Variants in SLC35F4 observed in about 807,000 individuals in gnomAD.
SLC35F4 encodes solute carrier family 35 member F4.
A neutral mutation model predicts 44.2 loss-of-function variants in SLC35F4; 24 were observed. The observed-to-expected ratio is 0.54, with a 90% CI of 0.39 to 0.76. SLC35F4 has a LOEUF of 0.76. Ranked by LOEUF, SLC35F4 falls within the 30% of genes least tolerant of loss-of-function variation. The pLI is 0.00. For synonymous variants in SLC35F4, 238 were observed against 223.6 expected, an observed-to-expected ratio of 1.06 and a Z score of -0.57; for missense variants, 562 against 586.1, an observed-to-expected ratio of 0.96 and a Z score of 0.42.
chr14:57,969,540 T>C (rs1008486939), intron 1 of SLC35F4, among the ~76,000 whole-genome samples: 1 of 152,212 alleles, frequency 6.6e-6, no homozygotes, highest in African/African-American at 2.4e-5. Flanking sequence ...CTGTCTATTC[T>C]CTATACATAT....
At chr14:57,722,632 T>C (rs1429968579) in intron 1 of SLC35F4, among the ~76,000 whole-genome samples, 1 of 152,144 alleles carries the variant, frequency 6.6e-6, no homozygotes, top group Non-Finnish European at 1.5e-5. Context: ...AAAGGCAAGG[T>C]AGGCATAGCT....
intron 1 of SLC35F4, among the ~76,000 whole-genome samples, chr14:57,892,573 C>T (rs575422141): frequency 6.6e-6 from 1 of 152,198 alleles, no homozygotes; most frequent in East Asian, 1.9e-4. Context: ...ATTATAGGAA[C>T]AATTCATTTA....
intron 1 of SLC35F4, among the ~76,000 whole-genome samples, chr14:57,663,557 A>C (rs2074207791): frequency 6.6e-6 from 1 of 152,220 alleles, no homozygotes; most frequent in South Asian, 2.1e-4. Flanking sequence ...TATAGCACAG[A>C]GACCACAGAG....
chr14:57,659,612 T>C (rs2074073606), intron 1 of SLC35F4, among the ~76,000 whole-genome samples: 1 of 152,146 alleles, frequency 6.6e-6, no homozygotes, highest in Non-Finnish European at 1.5e-5. Context: ...ACATAGATGG[T>C]AAATAACAGA....
chr14:57,564,405 TC>T, intron 7 of SLC35F4, 29 bp from the exon 8 acceptor site: 1 of 1,581,466 alleles, frequency 6.3e-7, no homozygotes, highest in Non-Finnish European at 8.6e-7. Context: ...GTCAGTCATT[TC>T]CTATGCCTGT....
downstream of SLC35F4, among the ~76,000 whole-genome samples, chr14:57,976,078 C>G (rs991847182): frequency 1.3e-5 from 2 of 152,158 alleles, no homozygotes; most frequent in African/African-American, 4.8e-5. Flanking sequence ...ACTATGGTCT[C>G]TCACCTCATT....
intron 1 of SLC35F4, among the ~76,000 whole-genome samples, chr14:57,740,433 A>G (rs1474073919): frequency 6.6e-6 from 1 of 152,212 alleles, no homozygotes; most frequent in Non-Finnish European, 1.5e-5. Context: ...CTTAAACTTT[A>G]CTCACAGAAA....
At chr14:57,718,344 CTTTT>C (rs2075996037) in intron 1 of SLC35F4, among the ~76,000 whole-genome samples, 2 of 41,358 alleles carry the variant, frequency 4.8e-5, no homozygotes, top group Admixed American at 2.5e-4. Context: ...GATTTCCTTT[CTTTT>C]GAGTATTTAC....
At chr14:57,751,337 A>T (rs1299859650) in intron 1 of SLC35F4, among the ~76,000 whole-genome samples, 1 of 152,142 alleles carries the variant, frequency 6.6e-6, no homozygotes, top group African/African-American at 2.4e-5. Flanking sequence ...AAGATGAGAA[A>T]ATTGGCATAG....
At chr14:57,734,252 T>A (rs1156543325) in intron 1 of SLC35F4, among the ~76,000 whole-genome samples, 1 of 152,196 alleles carries the variant, frequency 6.6e-6, no homozygotes, top group East Asian at 1.9e-4. Flanking sequence ...TTGGTAGTTG[T>A]GCATTCTTTC....
intron 5 of SLC35F4, among the ~76,000 whole-genome samples, chr14:57,570,778 C>T (rs900879523): frequency 6.6e-6 from 1 of 152,188 alleles, no homozygotes; most frequent in Non-Finnish European, 1.5e-5. Flanking sequence ...GGGGAAATCC[C>T]TCTGTAAGAG....
chr14:57,788,662 G>A (rs2077830238), intron 1 of SLC35F4, among the ~76,000 whole-genome samples: 2 of 152,026 alleles, frequency 1.3e-5, no homozygotes, highest in Admixed American at 6.6e-5. Context: ...TGCTGTTGTG[G>A]ATCTAACAGA....
intron 1 of SLC35F4, chr14:57,630,943 A>G: frequency 1.5e-6 from 1 of 661,776 alleles, no homozygotes; most frequent in Non-Finnish European, 1.9e-6. Flanking sequence ...TCTCATTTTT[A>G]TGCTTGAAGT....
At chr14:57,832,159 C>G (rs1450598304) in intron 1 of SLC35F4, among the ~76,000 whole-genome samples, 1 of 152,196 alleles carries the variant, frequency 6.6e-6, no homozygotes, top group Non-Finnish European at 1.5e-5. Context: ...GAGGCACATA[C>G]AGCCTTCCTG....
At chr14:57,815,358 A>G (rs549368101) in intron 1 of SLC35F4, among the ~76,000 whole-genome samples, 63 of 152,348 alleles carry the variant, frequency 4.1e-4, no homozygotes, top group Non-Finnish European at 7.1e-4. Flanking sequence ...ACATTTTGCC[A>G]TAAGTTGGTC....
chr14:57,657,760 G>A lies in SLC35F4; in HGVS notation c.104-63636C>T, dbSNP rs572882528. ...ATACTGGTGGATGACTCATTATTCT[G>A]GGGTTTCTAAACATTTGAGGTTCCT... On this transcript the variant is annotated intron_variant, in intron 1 of 7. Coordinates refer to ENST00000556826, the MANE Select transcript of SLC35F4 (RefSeq NM_001306087.2). Among the ~76,000 whole-genome samples, 4 of 152,204 alleles carry A rather than the reference G, an allele frequency of 2.6e-5. 1 individual carries two copies. The highest frequency in any genetic ancestry group is 2.1e-4 in the South Asian group (1 of 4,816).
intron 1 of SLC35F4, among the ~76,000 whole-genome samples, chr14:57,617,662 G>T (rs1443178138): frequency 2.0e-5 from 3 of 152,166 alleles, no homozygotes; most frequent in Non-Finnish European, 2.9e-5. Flanking sequence ...GCTGGCAATT[G>T]CAATAGTATG....
At chr14:57,600,918 A>C (rs1255469715) in intron 1 of SLC35F4, among the ~76,000 whole-genome samples, 9 of 151,874 alleles carry the variant, frequency 5.9e-5, no homozygotes, top group Admixed American at 5.9e-4. Context: ...TTCTTAGGTA[A>C]ACATATAGCC....
In SLC35F4 at chr14:57,925,519, GAGGGAGGGAGGGAGGGAGGGAGGGAGGA is replaced by G. The variant is rs1477525896; in HGVS notation, n.282+56366_282+56393del. ...GAAGGGAGGGAGGGAGGGAGGGAGG[GAGGGAGGGAGGGAGGGAGGGAGGGAGGA>G]AGGAAGGAAGGAAGGATGACAGGCA... is the stretch of plus-strand genomic sequence containing the variant. On this transcript the variant is annotated intron_variant and non_coding_transcript_variant, in intron 1 of 1. Transcript: ENST00000556568. 3.0e-3 allele frequency among the ~76,000 whole-genome samples: 197 copies of G among 65,302 alleles called. 3 individuals are homozygous for G. Among genetic ancestry groups the G allele is most frequent in the African/African-American group, 8.8e-3 (190 of 21,572 alleles). 42.8% of individuals were successfully genotyped at this position (65,302 alleles called of 152,430 possible). A position where few individuals can be genotyped will look rare whatever the true frequency, so the allele number is the denominator to read the frequency against.
Sources: allele counts gnomAD v4.1 joint callset (sites outside exome capture counted in the v4.1 genomes callset), GRCh38; gene constraint gnomAD v4.1.1; transcripts MANE v1.5; gene names NCBI Gene and HGNC (gene_info 2026-07-23, HGNC 2026-07-21).